The following IL10 variants were observed in gnomAD, a reference collection of about 807,000 sequenced individuals.
IL10 encodes interleukin 10.
IL10 carries 7 observed loss-of-function variants against 21.0 expected under a neutral mutation model. The observed-to-expected ratio is 0.33, with a 90% CI of 0.19 to 0.63. The LOEUF is 0.63. IL10 is among the 20% of genes least tolerant of loss of function. IL10 has a pLI of 0.77. For missense variants in IL10, 161 were observed against 213.0 expected (o/e 0.76, Z 1.52); for synonymous variants, 83 against 79.7 (o/e 1.04, Z -0.22).
At position 206,772,405 on chromosome 1, in the gene IL10, C is replaced by T. The variant is rs774750635; in HGVS notation, c.31G>A (p.Val11Ile). 6.2e-7 allele frequency: 1 copy of T among 1,613,990 alleles called. No individual in the cohort carries two copies. The highest frequency in any genetic ancestry group is 8.5e-7 in the Non-Finnish European group (1 of 1,179,990). Reference protein sequence around the residue: MHSSALLCCLVLLTGVRASPG... With the variant: MHSSALLCCLILLTGVRASPG... ...CTGGCCCTCACCCCAGTCAGGAGGA[C>T]CAGGCAACAGAGCAGTGCTGAGCTG... Residue 11 changes from valine to isoleucine, a missense_variant, in exon 1 of 5, where the codon GTC becomes ATC. By Grantham distance (29) the Val-to-Ile change is conservative. Transcript: ENST00000423557.
Position 206,772,302 on chromosome 1 carries a change from C to G in IL10, c.134G>C (p.Arg45Pro). 1.2e-6 allele frequency: 2 copies of G among 1,614,156 alleles called. No individual in the cohort carries two copies. The highest frequency in any genetic ancestry group is 1.1e-5 in the South Asian group (1 of 91,078). The change falls in exon 1 of 5, where the codon CGA becomes CCA. Residue 45 changes from arginine to proline, a missense_variant. Coordinates refer to ENST00000423557, the MANE Select transcript of IL10 (RefSeq NM_000572.3). ...AGTCTTCACTCTGCTGAAGGCATCT[C>G]GGAGATCTCGAAGCATGTTAGGCAG... ...GNLPNMLRDL[R>P]DAFSRVKTFF...
chr1:206,772,393 C>T lies in IL10; in HGVS notation c.43G>A (p.Gly15Arg), dbSNP rs145922845. ...CCCTGGCCTGGGCTGGCCCTCACCC[C>T]AGTCAGGAGGACCAGGCAACAGAGC... ...ALLCCLVLLTGVRASPGQGTQ... is the reference protein window; with the variant it reads ...ALLCCLVLLTRVRASPGQGTQ... The change falls in exon 1 of 5, where the codon GGG (glycine) becomes AGG (arginine). Residue 15 changes from glycine to arginine, a missense_variant. Coordinates refer to ENST00000423557, the MANE Select transcript of IL10 (RefSeq NM_000572.3). The T allele has an allele frequency of 3.1e-3, 4,927 of 1,614,206 alleles. 11 individuals are homozygous for T. Among genetic ancestry groups the T allele is most frequent in the Non-Finnish European group, 3.9e-3 (4,606 of 1,180,026 alleles).
intron 4 of IL10, chr1:206,769,474 G>C (rs945974955): frequency 1.5e-5 from 6 of 391,336 alleles, no homozygotes; most frequent in Non-Finnish European, 2.9e-5. Flanking sequence ...CTTCCTGCAC[G>C]TGTGGGTTCA....
Position 206,771,030 on chromosome 1 carries a change from C to T in IL10, c.255G>A (p.Glu85=), listed in dbSNP as rs769682299. ...CCTCCTCCAGGTAAAACTGGATCAT[C>T]TCAGACAAGGCTTGGCAACCCAGGT... is the stretch of plus-strand genomic sequence containing the variant. ...KGYLGCQALS[E]MIQFYLEEVM... is the part of the protein sequence containing the mutation. The change falls in exon 3 of 5, where the codon GAG becomes GAA. Residue 85 remains glutamate (E), a synonymous_variant. Transcript: ENST00000423557. 9 of 1,614,076 alleles carry T rather than the reference C, an allele frequency of 5.6e-6. No homozygotes were observed. Among genetic ancestry groups the T allele is most frequent in the Middle Eastern group, 3.3e-4 (2 of 6,084 alleles).
intron 4 of IL10, among the ~76,000 whole-genome samples, chr1:206,769,004 A>G (rs984012201): frequency 7.9e-5 from 12 of 152,344 alleles, no homozygotes; most frequent in Admixed American, 1.3e-4. Flanking sequence ...AAGGTCACGT[A>G]TTCACATGAT....
chr1:206,770,934 C>T lies in IL10; in HGVS notation c.351G>A (p.Lys117=). ...AHVNSLGENL[K]TLRLRLRRCH... is the part of the protein sequence containing the mutation. ...AGCGCCGTAGCCTCAGCCTGAGGGTCTTCAGGTTCTCCCCCAGGGAGTTCA... is the reference window on the plus strand; with the variant it reads ...AGCGCCGTAGCCTCAGCCTGAGGGTTTTCAGGTTCTCCCCCAGGGAGTTCA... Residue 117 remains lysine, a synonymous_variant, in exon 3 of 5, where the codon AAG becomes AAA. Transcript: ENST00000423557. 6.2e-7 allele frequency: 1 copy of T among 1,614,166 alleles called. No individual in the cohort carries two copies. Among genetic ancestry groups the T allele is most frequent in the Non-Finnish European group, 8.5e-7 (1 of 1,180,004 alleles).
At chr1:206,770,833 G>C (rs903320101) in intron 3 of IL10, 74 bp downstream of exon 3, 1 of 1,392,628 alleles carries the variant, frequency 7.2e-7, no homozygotes, top group Admixed American at 1.7e-5. Context: ...CTGTGGATGT[G>C]AGTGTCCCTG....
intron 1 of IL10, 100 bp downstream of exon 1, chr1:206,772,171 G>T: frequency 2.0e-6 from 2 of 999,790 alleles, no homozygotes; most frequent in Non-Finnish European, 3.2e-6. Context: ...TGTTGGGGAT[G>T]GAGGTGGAGG....
At chr1:206,771,157 T>G in intron 2 of IL10, 98 bp from the exon 3 acceptor site, 1 of 1,398,474 alleles carries the variant, frequency 7.2e-7, no homozygotes, top group Non-Finnish European at 1.0e-6. Flanking sequence ...GTTCTAGCGA[T>G]CCTCCTTCAC....
chr1:206,768,687 G>A lies in IL10; in HGVS notation c.486C>T (p.Asp162=), dbSNP rs2102436716. The change falls in exon 5 of 5, where the codon GAC becomes GAT. Residue 162 remains aspartate (D), a synonymous_variant. Coordinates refer to ENST00000423557, the MANE Select transcript of IL10 (RefSeq NM_000572.3). ...KGIYKAMSEF[D]IFINYIEAYM... The stretch of plus-strand genomic sequence containing the variant: ...AGGCTTCTATGTAGTTGATGAAGAT[G>A]TCAAACTCACTCATGGCTTTGTAGA... 6.2e-7 allele frequency: 1 copy of A among 1,611,090 alleles called. No homozygotes were observed. Among genetic ancestry groups the A allele is most frequent in the Non-Finnish European group, 8.5e-7 (1 of 1,177,254 alleles).
At position 206,768,482 on chromosome 1, in the gene IL10, A is replaced by G; in HGVS notation, c.*154T>C. 1.6e-6 allele frequency: 1 copy of G among 627,850 alleles called. No individual in the cohort carries two copies. Among genetic ancestry groups the G allele is most frequent in the East Asian group, 2.8e-5 (1 of 36,146 alleles). 38.9% of individuals were successfully genotyped at this position (627,850 alleles called of 1,614,324 possible). A position where few individuals can be genotyped will look rare whatever the true frequency, so the allele number is the denominator to read the frequency against. ...AGAGAAGCTCAGTAAATAAATAGAA[A>G]TGGGGGTTGAGGTATCAGAGGTAAT... On this transcript the variant is annotated 3_prime_UTR_variant, in exon 5 of 5. Coordinates refer to ENST00000423557, the MANE Select transcript of IL10 (RefSeq NM_000572.3).
Position 206,771,340 on chromosome 1 carries a change from C to T in IL10, c.225+16G>A. 2.5e-6 allele frequency: 4 copies of T among 1,611,128 alleles called. No homozygotes were observed. The highest frequency in any genetic ancestry group is 3.4e-6 in the Non-Finnish European group (4 of 1,177,584). On this transcript the variant is annotated intron_variant, in intron 2 of 4. Coordinates refer to ENST00000423557, the MANE Select transcript of IL10 (RefSeq NM_000572.3). ...TCATGCTGCACACTCCCCCAGCACCCCGCCCCTGCTCTCACCTTAAAGTCC... is the reference window on the plus strand; with the variant it reads ...TCATGCTGCACACTCCCCCAGCACCTCGCCCCTGCTCTCACCTTAAAGTCC...
At position 206,768,680 on chromosome 1, in the gene IL10, T is replaced by C. The variant is rs761398096; in HGVS notation, c.493A>G (p.Ile165Val). The C allele has an allele frequency of 2.5e-6, 4 of 1,611,394 alleles. No homozygotes were observed. Among genetic ancestry groups the C allele is most frequent in the Non-Finnish European group, 2.5e-6 (3 of 1,177,518 alleles). The change falls in exon 5 of 5, where the codon ATC becomes GTC. Residue 165 changes from isoleucine to valine, a missense_variant. Physicochemically the swap from Ile to Val is conservative, Grantham distance 29. Transcript: ENST00000423557. ...GTCATGTAGGCTTCTATGTAGTTGA[T>C]GAAGATGTCAAACTCACTCATGGCT... ...YKAMSEFDIF[I>V]NYIEAYMTMK...
rs45575832 is a variant in IL10, at chr1:206,768,606, T to G, written c.*30A>C. ...TTTTGGAGACCTCTAATTTATGTCC[T>G]AGAGTCTATAGAGTCGCCACCCTGA... On this transcript the variant is annotated 3_prime_UTR_variant, in exon 5 of 5. Coordinates refer to ENST00000423557, the MANE Select transcript of IL10 (RefSeq NM_000572.3). 19 of 1,287,944 alleles carry G rather than the reference T, an allele frequency of 1.5e-5. No homozygotes were observed. The highest frequency in any genetic ancestry group is 1.7e-5 in the Admixed American group (1 of 59,352). The allele number at this position is 1,287,944 out of a possible 1,614,324, so 79.8% of individuals were successfully genotyped here.
rs1052774436 is a variant in IL10 at position 206,768,036 on chromosome 1, C to T, written c.*600G>A. 2 of 186,472 alleles carry T rather than the reference C, an allele frequency of 1.1e-5. No homozygotes were observed. Among genetic ancestry groups the T allele is most frequent in the East Asian group, 1.7e-4 (2 of 11,620 alleles). The allele number at this position is 186,472 out of a possible 1,614,324, so 11.6% of individuals were successfully genotyped here. On this transcript the variant is annotated 3_prime_UTR_variant, in exon 5 of 5. Coordinates refer to ENST00000423557, the MANE Select transcript of IL10 (RefSeq NM_000572.3). ...TGAGCCACCGCGCCCGGCCTAGAAC[C>T]AAATTTAGGTTGTTATAAATAACAA...
At chr1:206,772,225 A>G (rs767089372) in intron 1 of IL10, 46 bp downstream of exon 1, 5 of 1,554,216 alleles carry the variant, frequency 3.2e-6, no homozygotes, top group Non-Finnish European at 4.4e-6. Context: ...TGTCTAGTTC[A>G]GGCAGTCCCA....
Position 206,769,288 on chromosome 1 carries a change from C to T in IL10, c.444+541G>A, listed in dbSNP as rs189330606. Among the ~76,000 whole-genome samples the T allele has an allele frequency of 7.4e-4, 112 of 152,368 alleles. 1 individual carries two copies. The highest frequency in any genetic ancestry group is 3.4e-3 in the Middle Eastern group (1 of 294). On this transcript the variant is annotated intron_variant, in intron 4 of 4. Coordinates refer to ENST00000423557, the MANE Select transcript of IL10 (RefSeq NM_000572.3). ...CACGCACAGTTGGAAGTGTGAAACC[C>T]CATTTCGTTTGGGAACTGACATTCT...
rs1674736214 is a variant in IL10, at chr1:206,768,722, C to T, written c.451G>A (p.Glu151Lys). ...CTCATGGCTTTGTAGATGCCTTTCTCTTGGAGCTGTGCAGAGAGATAAGAA... is the reference window on the plus strand; with the variant it reads ...CTCATGGCTTTGTAGATGCCTTTCTTTTGGAGCTGTGCAGAGAGATAAGAA... ...QVKNAFNKLQEKGIYKAMSEF... is the reference protein window; with the variant it reads ...QVKNAFNKLQKKGIYKAMSEF... The change falls in exon 5 of 5, where the codon GAG becomes AAG. Residue 151 changes from glutamate (E) to lysine (K), a missense_variant. Physicochemically the swap from Glu to Lys is moderately conservative, Grantham distance 56. Coordinates refer to ENST00000423557, the MANE Select transcript of IL10 (RefSeq NM_000572.3). 2 of 1,598,376 alleles carry T rather than the reference C, an allele frequency of 1.3e-6. No homozygotes were observed. The highest frequency in any genetic ancestry group is 8.6e-7 in the Non-Finnish European group (1 of 1,165,840).
intron 2 of IL10, 84 bp downstream of exon 2, chr1:206,771,272 C>A (rs148703263): frequency 4.3e-5 from 58 of 1,337,582 alleles, no homozygotes; most frequent in Non-Finnish European, 6.2e-5. Flanking sequence ...AGGAAACAAA[C>A]CCAATTCCCT....
Sources: allele counts gnomAD v4.1 joint callset (sites outside exome capture counted in the v4.1 genomes callset), GRCh38; gene constraint gnomAD v4.1.1; transcripts MANE v1.5; gene names NCBI Gene and HGNC (gene_info 2026-07-23, HGNC 2026-07-21).